The following PLEKHA5 variants were observed in gnomAD, a reference collection of about 807,000 sequenced individuals.
PLEKHA5 encodes pleckstrin homology domain-containing family A member 5.
Under a neutral mutation model 181.9 loss-of-function variants are expected in PLEKHA5, and 55 were observed. The ratio of observed to expected loss-of-function variants is 0.30; its 90% CI spans 0.24 to 0.38. PLEKHA5 has a LOEUF of 0.38. Ranked by LOEUF, PLEKHA5 falls within the 10% of genes least tolerant of loss-of-function variation. The probability of loss-of-function intolerance (pLI) is 1.00; values close to 1 mark genes in which losing one functional copy is unlikely to be tolerated. For synonymous variants in PLEKHA5, 535 were observed against 529.4 expected (o/e 1.01, Z -0.15); for missense variants, 1,432 against 1,549.5 (o/e 0.92, Z 1.27).
chr12:19,214,485 T>C (rs972613654), intron 3 of PLEKHA5, among the ~76,000 whole-genome samples: 3 of 152,054 alleles, frequency 2.0e-5, no homozygotes, highest in Middle Eastern at 3.2e-3. Flanking sequence ...TGGGAGTGAC[T>C]AAAGTGTGTT....
At chr12:19,314,634 C>T (rs1023402346) in intron 15 of PLEKHA5, 180 bp from the exon 16 acceptor site, 2 of 582,630 alleles carry the variant, frequency 3.4e-6, no homozygotes, top group Non-Finnish European at 3.2e-6. Context: ...TATTTCACAG[C>T]GTTTAATACT....
At chr12:19,230,465 C>T (rs2060350279) in intron 3 of PLEKHA5, among the ~76,000 whole-genome samples, 1 of 152,184 alleles carries the variant, frequency 6.6e-6, no homozygotes, top group Non-Finnish European at 1.5e-5. Flanking sequence ...GGAGGGGAGG[C>T]TCGGGCATGG....
chr12:19,208,338 C>T (rs35273309), intron 3 of PLEKHA5, among the ~76,000 whole-genome samples: 14,265 of 151,438 alleles, frequency 0.094, 820 homozygotes, highest in Admixed American at 0.19. Flanking sequence ...ACCCAGGAGT[C>T]GGAGGTTGCA....
intron 6 of PLEKHA5, among the ~76,000 whole-genome samples, chr12:19,258,565 T>TTC (rs1360221783): frequency 6.9e-6 from 1 of 145,748 alleles, no homozygotes. Context: ...CTTTTTCTTT[T>TTC]TTTTTTTTTT....
chr12:19,191,361 C>G (rs973714987), intron 3 of PLEKHA5, among the ~76,000 whole-genome samples: 8 of 152,126 alleles, frequency 5.3e-5, no homozygotes, highest in Non-Finnish European at 1.0e-4. Context: ...TACTTTAATA[C>G]CCTGACACAC....
rs906468330 is a variant in PLEKHA5 at position 19,365,814 on chromosome 12, T to A, written c.3609-150T>A. 8 of 589,006 alleles carry A rather than the reference T, an allele frequency of 1.4e-5. No individual in the cohort carries two copies. The African/African-American group carries it at 1.5e-4, about 11-fold the overall frequency. The allele number at this position is 589,006 out of a possible 1,614,324, so 36.5% of individuals were successfully genotyped here. On this transcript the variant is annotated intron_variant, in intron 29 of 31. Coordinates refer to ENST00000429027, the MANE Select transcript of PLEKHA5 (RefSeq NM_001256470.2). ...AGGTTTATTATTTGCTCTAATTCTT[T>A]TGTTTGAAACTTTCAAAAGAAAGAA...
chr12:19,208,800 T>A (rs1193975859), intron 3 of PLEKHA5, among the ~76,000 whole-genome samples: 2 of 152,220 alleles, frequency 1.3e-5, no homozygotes, highest in African/African-American at 4.8e-5. Context: ...CAGGGTACTC[T>A]GCAGATCGAA....
chr12:19,280,601 C>T (rs1177721968), intron 11 of PLEKHA5, among the ~76,000 whole-genome samples: 2 of 152,088 alleles, frequency 1.3e-5, no homozygotes, highest in African/African-American at 4.8e-5. Context: ...GATCAGAAAA[C>T]CTGAGTTTGT....
At chr12:19,226,252 G>A (rs898062143) in intron 3 of PLEKHA5, among the ~76,000 whole-genome samples, 1 of 152,096 alleles carries the variant, frequency 6.6e-6, no homozygotes, top group African/African-American at 2.4e-5. Context: ...GATTCATGTT[G>A]TAGCATGTAT....
chr12:19,274,841 G>A lies in PLEKHA5; in HGVS notation c.1171G>A (p.Asp391Asn). ...CAAAATAGTCAATGTTAGCCTGGCA[G>A]ATCTTAGAGGTGGAAATCGCCCCAA... ...ENKIVNVSLA[D>N]LRGGNRPNTG... The change falls in exon 11 of 32, where the codon GAT becomes AAT. Residue 391 changes from aspartate (D) to asparagine (N), a missense_variant. Asp to Asn is a conservative substitution (Grantham distance 23). Coordinates refer to ENST00000429027, the MANE Select transcript of PLEKHA5 (RefSeq NM_001256470.2). The A allele has an allele frequency of 6.2e-7, 1 of 1,614,140 alleles. No individual in the cohort carries two copies. Among genetic ancestry groups the A allele is most frequent in the Non-Finnish European group, 8.5e-7 (1 of 1,180,028 alleles).
intron 10 of PLEKHA5, among the ~76,000 whole-genome samples, chr12:19,272,259 A>G (rs544728425): frequency 1.2e-4 from 18 of 152,314 alleles, no homozygotes; most frequent in African/African-American, 4.3e-4. Flanking sequence ...ATTTTCTGCA[A>G]TAACTTAAAT....
intron 21 of PLEKHA5, among the ~76,000 whole-genome samples, 186 bp downstream of exon 21, chr12:19,336,802 A>G (rs1006408355): frequency 6.6e-6 from 1 of 152,016 alleles, no homozygotes; most frequent in African/African-American, 2.4e-5. Context: ...CTCTTGTTTA[A>G]GAGTTCTTTG....
intron 15 of PLEKHA5, among the ~76,000 whole-genome samples, chr12:19,292,866 G>C (rs2078825306): frequency 6.6e-6 from 1 of 152,118 alleles, no homozygotes; most frequent in African/African-American, 2.4e-5. Flanking sequence ...TTGAGCCCTG[G>C]AGGCAGAGGT....
intron 22 of PLEKHA5, among the ~76,000 whole-genome samples, chr12:19,343,867 A>G (rs1376771232): frequency 1.3e-5 from 2 of 152,094 alleles, no homozygotes; most frequent in African/African-American, 2.4e-5. Context: ...AGCTTGGCCA[A>G]CGTGGTGAAA....
At chr12:19,165,565 G>C (rs1246071711) in intron 3 of PLEKHA5, among the ~76,000 whole-genome samples, 1 of 151,874 alleles carries the variant, frequency 6.6e-6, no homozygotes, top group Non-Finnish European at 1.5e-5. Context: ...TATTTAATCA[G>C]TTTTAAATTG....
chr12:19,295,093 G>T (rs967715692), intron 15 of PLEKHA5, among the ~76,000 whole-genome samples: 1 of 152,154 alleles, frequency 6.6e-6, no homozygotes, highest in African/African-American at 2.4e-5. Flanking sequence ...TGAATTTTAA[G>T]ATAGCATAGG....
Position 19,260,158 on chromosome 12 carries a change from A to G in PLEKHA5, c.538-791A>G, listed in dbSNP as rs534016616. 1.7e-3 allele frequency among the ~76,000 whole-genome samples: 256 copies of G among 152,314 alleles called. 3 individuals are homozygous for G. In the South Asian group the frequency reaches 0.05, roughly 30 times the overall value. On this transcript the variant is annotated intron_variant, in intron 6 of 31. Coordinates refer to ENST00000429027, the MANE Select transcript of PLEKHA5 (RefSeq NM_001256470.2). ...TGAGCAAATCCCAAACTATAGGTGT[A>G]AGAAAAAAATGTTTATGAATTGCAT...
At chr12:19,270,375 C>T (rs1433663980) in intron 10 of PLEKHA5, among the ~76,000 whole-genome samples, 170 bp downstream of exon 10, 1 of 152,038 alleles carries the variant, frequency 6.6e-6, no homozygotes, top group East Asian at 1.9e-4. Flanking sequence ...CAGTAAGAAA[C>T]TTTGATAGTT....
Position 19,307,211 on chromosome 12 carries a change from G to A in PLEKHA5, c.2038-7603G>A, listed in dbSNP as rs891902645. The A allele has an allele frequency of 1.2e-5, 7 of 590,246 alleles. No individual in the cohort carries two copies. In the African/African-American group the frequency reaches 1.3e-4, roughly 11 times the overall value. The allele number at this position is 590,246 out of a possible 1,614,324, so 36.6% of individuals were successfully genotyped here. A position where few individuals can be genotyped will look rare whatever the true frequency, so the allele number is the denominator to read the frequency against. ...AAAGGGGCCCCACATGGTGGCTCAG[G>A]CCAGTAATCCCAGAGCTTTGGGAGG... On this transcript the variant is annotated intron_variant, in intron 15 of 31. Coordinates refer to ENST00000429027, the MANE Select transcript of PLEKHA5 (RefSeq NM_001256470.2).
Sources: allele counts gnomAD v4.1 joint callset (sites outside exome capture counted in the v4.1 genomes callset), GRCh38; gene constraint gnomAD v4.1.1; transcripts MANE v1.5; gene names NCBI Gene and HGNC (gene_info 2026-07-23, HGNC 2026-07-21).